Variants in ARMC12 observed in about 807,000 individuals in gnomAD.
ARMC12 encodes armadillo repeat-containing protein 12.
Under a neutral mutation model 37.4 loss-of-function variants are expected in ARMC12, and 25 were observed. The observed-to-expected ratio is 0.67, with a 90% CI of 0.49 to 0.93. The LOEUF is 0.93. Among genes scored for constraint, ARMC12 ranks in the 40% least tolerant of loss-of-function variants. The pLI, the probability that ARMC12 is intolerant of heterozygous loss-of-function variation, is 0.00. For missense variants in ARMC12, 384 were observed against 426.6 expected, an observed-to-expected ratio of 0.90 and a Z score of 0.88; for synonymous variants, 167 against 176.1, an observed-to-expected ratio of 0.95 and a Z score of 0.41.
chr6:35,732,074 G>A (rs1766845301), upstream of ARMC12, among the ~76,000 whole-genome samples: 1 of 152,156 alleles, frequency 6.6e-6, no homozygotes, highest in South Asian at 2.1e-4. Flanking sequence ...GTCCGGGGAG[G>A]GAGAGCAAGA....
chr6:35,744,181 A>G (rs1260830299), intron 3 of ARMC12, among the ~76,000 whole-genome samples: 1 of 152,046 alleles, frequency 6.6e-6, no homozygotes, highest in Non-Finnish European at 1.5e-5. Flanking sequence ...TTGCTCTGTC[A>G]CCCAGGCTGG....
At chr6:35,743,939 C>G (rs551349712) in intron 3 of ARMC12, among the ~76,000 whole-genome samples, 1 of 148,698 alleles carries the variant, frequency 6.7e-6, no homozygotes, top group Non-Finnish European at 1.5e-5. Context: ...GAGTGAGACT[C>G]CATCTCAAAA....
At chr6:35,731,532 A>G in the ARMC12 span, among the ~76,000 whole-genome samples, 2 of 150,846 alleles carry the variant, frequency 1.3e-5, no homozygotes, top group Admixed American at 6.6e-5. Context: ...GCCTCTCTCC[A>G]TCGTCTCCTG....
At chr6:35,734,278 G>A (rs1766901519), upstream of ARMC12, among the ~76,000 whole-genome samples, 1 of 152,228 alleles carries the variant, frequency 6.6e-6, no homozygotes, top group South Asian at 2.1e-4. Context: ...TACCGCCTCA[G>A]CCTCCAGAAT....
intron 3 of ARMC12, among the ~76,000 whole-genome samples, chr6:35,742,443 G>C (rs957458692): frequency 1.5e-5 from 2 of 129,370 alleles, no homozygotes; most frequent in Non-Finnish European, 3.1e-5. Flanking sequence ...CTTGCAGTGA[G>C]CCAAGATCAC....
Position 35,748,651 on chromosome 6 carries a change from C to A in ARMC12, c.804C>A (p.His268Gln). 1 of 1,613,918 alleles carries A rather than the reference C, an allele frequency of 6.2e-7. No homozygotes were observed. The highest frequency in any genetic ancestry group is 1.1e-5 in the South Asian group (1 of 91,044). ...LSEGRNAPHY[H>Q]VVKWHYNEQS... ...AGGGCCGGAACGCACCCCACTACCACGTGGTGAAATGGCATTACAACGAAC... is the reference window on the plus strand; with the variant it reads ...AGGGCCGGAACGCACCCCACTACCAAGTGGTGAAATGGCATTACAACGAAC... Residue 268 changes from histidine (H) to glutamine (Q), a missense_variant, in exon 6 of 6, where the codon CAC (histidine) becomes CAA (glutamine). Physicochemically the swap from His to Gln is conservative, Grantham distance 24. Coordinates refer to ENST00000373866, the MANE Select transcript of ARMC12 (RefSeq NM_001286574.2).
chr6:35,742,644 AC>A (rs1047534546), intron 3 of ARMC12, among the ~76,000 whole-genome samples: 2 of 151,812 alleles, frequency 1.3e-5, no homozygotes, highest in African/African-American at 4.8e-5. Context: ...TGAGGGCCTG[AC>A]CCCTGGTCTC....
intron 3 of ARMC12, among the ~76,000 whole-genome samples, chr6:35,741,754 G>GA (rs1261252099): frequency 6.6e-6 from 1 of 151,944 alleles, no homozygotes; most frequent in African/African-American, 2.4e-5. Context: ...CTTTTTTGGG[G>GA]AAAAAATTCT....
At chr6:35,734,875 A>G (rs1581916074), upstream of ARMC12, among the ~76,000 whole-genome samples, 1 of 152,184 alleles carries the variant, frequency 6.6e-6, no homozygotes, top group Non-Finnish European at 1.5e-5. Flanking sequence ...TTATGCCAAC[A>G]AATAGACATT....
intron 3 of ARMC12, among the ~76,000 whole-genome samples, chr6:35,745,699 G>C (rs144734555): frequency 4.6e-4 from 70 of 152,302 alleles, no homozygotes; most frequent in African/African-American, 1.4e-3. Context: ...TGGGTGAAGA[G>C]CACATGGGAC....
chr6:35,742,690 T>C (rs1166584793), intron 3 of ARMC12, among the ~76,000 whole-genome samples: 1 of 152,096 alleles, frequency 6.6e-6, no homozygotes, highest in Admixed American at 6.6e-5. Flanking sequence ...TTGATCTCAA[T>C]TTCCATCTAG....
chr6:35,737,934 C>A, intron 1 of ARMC12, 93 bp from the exon 2 acceptor site: 2 of 1,574,612 alleles, frequency 1.3e-6, no homozygotes, highest in South Asian at 2.2e-5. Context: ...GGCAAGGCAG[C>A]CTTGTCCCCA....
At chr6:35,746,522 T>C (rs1767341846) in intron 3 of ARMC12, among the ~76,000 whole-genome samples, 1 of 152,000 alleles carries the variant, frequency 6.6e-6, no homozygotes, top group Non-Finnish European at 1.5e-5. Flanking sequence ...TGTCAGCTGC[T>C]CTGAAAGTAG....
intron 3 of ARMC12, 98 bp from the exon 4 acceptor site, chr6:35,747,163 C>T: frequency 7.1e-7 from 1 of 1,412,128 alleles, no homozygotes; most frequent in Non-Finnish European, 9.7e-7. Context: ...TGGGTTTGGC[C>T]CAGGGGACAT....
intron 1 of ARMC12, among the ~76,000 whole-genome samples, 180 bp from the exon 2 acceptor site, chr6:35,737,847 A>C (rs1205644294): frequency 6.6e-6 from 1 of 152,224 alleles, no homozygotes; most frequent in Admixed American, 6.5e-5. Context: ...AACATTAGAT[A>C]GGGTGCCCTT....
intron 2 of ARMC12, 93 bp downstream of exon 2, chr6:35,738,265 C>T (rs927963359): frequency 3.4e-5 from 49 of 1,458,770 alleles, no homozygotes; most frequent in Non-Finnish European, 4.4e-5. Flanking sequence ...TATCCTGGGA[C>T]CTCTCTCTGG....
At chr6:35,748,406 T>A in intron 5 of ARMC12, 132 bp from the exon 6 acceptor site, 1 of 658,344 alleles carries the variant, frequency 1.5e-6, no homozygotes, top group East Asian at 3.4e-5. Flanking sequence ...AAAGAAAAAC[T>A]AAAAAATTAC....
At chr6:35,734,898 AT>A (rs1581916124), upstream of ARMC12, among the ~76,000 whole-genome samples, 1 of 152,160 alleles carries the variant, frequency 6.6e-6, no homozygotes, top group African/African-American at 2.4e-5. Context: ...TTTGTCTTTA[AT>A]TTTTTTGTTG....
At chr6:35,741,399 T>G (rs1376631370) in intron 3 of ARMC12, among the ~76,000 whole-genome samples, 21 of 149,132 alleles carry the variant, frequency 1.4e-4, no homozygotes, top group African/African-American at 4.8e-4. Flanking sequence ...AACCTAACGT[T>G]TGATAATTTC....
Sources: allele counts gnomAD v4.1 joint callset (sites outside exome capture counted in the v4.1 genomes callset), GRCh38; gene constraint gnomAD v4.1.1; transcripts MANE v1.5; gene names NCBI Gene and HGNC (gene_info 2026-07-23, HGNC 2026-07-21).